The following CDH18 variants were observed in gnomAD, a reference collection of about 807,000 sequenced individuals.
CDH18 encodes cadherin-18.
CDH18 carries 31 observed loss-of-function variants against 67.9 expected under a neutral mutation model. The observed-to-expected ratio is 0.46, with a 90% CI of 0.34 to 0.62. CDH18 has a LOEUF of 0.62. Among genes scored for constraint, CDH18 ranks in the 20% least tolerant of loss-of-function variants. CDH18 has a pLI of 0.01. For synonymous variants in CDH18, 362 were observed against 347.2 expected (o/e 1.04, Z -0.48); for missense variants, 890 against 975.5 (o/e 0.91, Z 1.17).
At chr5:20,346,716 C>T (rs980442688) in intron 1 of CDH18, among the ~76,000 whole-genome samples, 2 of 152,022 alleles carry the variant, frequency 1.3e-5, no homozygotes, top group East Asian at 3.9e-4. Flanking sequence ...TAAGAACGTA[C>T]CAAACAGAAA....
chr5:20,280,275 T>C (rs1746147175), intron 1 of CDH18, among the ~76,000 whole-genome samples: 1 of 152,098 alleles, frequency 6.6e-6, no homozygotes, highest in African/African-American at 2.4e-5. Flanking sequence ...CTGTTACATA[T>C]GTACACATGT....
At chr5:19,645,469 G>A (rs62351294) in intron 5 of CDH18, among the ~76,000 whole-genome samples, 8,809 of 152,180 alleles carry the variant, frequency 0.058, 290 homozygotes, top group Non-Finnish European at 0.074. Flanking sequence ...GCTAAATAAC[G>A]GATAGTCTGT....
At chr5:19,860,091 T>A (rs956549716) in intron 2 of CDH18, among the ~76,000 whole-genome samples, 2 of 151,976 alleles carry the variant, frequency 1.3e-5, no homozygotes, top group African/African-American at 4.8e-5. Flanking sequence ...TAACTGGAAC[T>A]TTATAGCAAT....
chr5:20,034,819 T>G (rs1580087855), intron 2 of CDH18, among the ~76,000 whole-genome samples: 1 of 152,080 alleles, frequency 6.6e-6, no homozygotes, highest in South Asian at 2.1e-4. Flanking sequence ...GATAGATAGA[T>G]AGAGATAAAG....
intron 1 of CDH18, among the ~76,000 whole-genome samples, chr5:20,295,259 A>T (rs1051902499): frequency 2.0e-5 from 3 of 152,214 alleles, no homozygotes; most frequent in African/African-American, 7.2e-5. Context: ...CTAATACCAT[A>T]GACCTTCACA....
intron 2 of CDH18, among the ~76,000 whole-genome samples, chr5:20,022,035 A>T (rs1738472563): frequency 6.6e-6 from 1 of 152,228 alleles, no homozygotes; most frequent in Non-Finnish European, 1.5e-5. Context: ...CATTACATAA[A>T]GAGTGGTTTG....
At chr5:20,412,352 T>G (rs1198258622) in intron 1 of CDH18, among the ~76,000 whole-genome samples, 1 of 152,096 alleles carries the variant, frequency 6.6e-6, no homozygotes, top group East Asian at 1.9e-4. Flanking sequence ...TCTCCTAACA[T>G]AAACCAAAAT....
upstream of CDH18, among the ~76,000 whole-genome samples, chr5:19,992,462 A>C (rs1296838533): frequency 2.0e-5 from 3 of 151,914 alleles, no homozygotes; most frequent in Non-Finnish European, 4.4e-5. Context: ...AAAAAAAAAA[A>C]AACAACTGTG....
chr5:19,493,540 GTGT>G (rs1304981280), intron 11 of CDH18, among the ~76,000 whole-genome samples: 40 of 71,530 alleles, frequency 5.6e-4, no homozygotes, highest in Admixed American at 9.9e-4. Flanking sequence ...GAATTGGGGT[GTGT>G]GTGTGTGTGT....
chr5:20,056,384 T>A (rs201103915), intron 2 of CDH18, among the ~76,000 whole-genome samples: 1 of 146,356 alleles, frequency 6.8e-6, no homozygotes, highest in Non-Finnish European at 1.5e-5. Flanking sequence ...GGACAAGCTG[T>A]TTTTTTTGTT....
intron 1 of CDH18, among the ~76,000 whole-genome samples, chr5:20,542,410 T>C (rs2126593000): frequency 6.6e-6 from 1 of 151,660 alleles, no homozygotes; most frequent in African/African-American, 2.4e-5. Flanking sequence ...AGGGTTTCTA[T>C]TAGCATTATA....
At chr5:20,085,518 T>C (rs1341749062) in intron 2 of CDH18, among the ~76,000 whole-genome samples, 3 of 152,174 alleles carry the variant, frequency 2.0e-5, no homozygotes, top group Non-Finnish European at 4.4e-5. Context: ...TTTTCAGCAA[T>C]GCCCCGCTCT....
intron 1 of CDH18, among the ~76,000 whole-genome samples, chr5:20,462,513 A>G (rs1010800207): frequency 6.6e-6 from 1 of 152,240 alleles, no homozygotes; most frequent in Non-Finnish European, 1.5e-5. Context: ...TTCCCAACAT[A>G]TAGAAATGAT....
chr5:20,434,958 G>T (rs1466005538), intron 1 of CDH18, among the ~76,000 whole-genome samples: 1 of 151,978 alleles, frequency 6.6e-6, no homozygotes, highest in East Asian at 1.9e-4. Flanking sequence ...ACATTCAGAT[G>T]GATAGCCACT....
intron 2 of CDH18, among the ~76,000 whole-genome samples, chr5:20,185,508 C>A (rs1205484727): frequency 2.0e-5 from 3 of 152,064 alleles, no homozygotes; most frequent in African/African-American, 7.2e-5. Context: ...ACTCTTAGTT[C>A]TTTGACTTTA....
At chr5:20,238,079 C>A (rs1742612511) in intron 2 of CDH18, among the ~76,000 whole-genome samples, 1 of 151,736 alleles carries the variant, frequency 6.6e-6, no homozygotes, top group Non-Finnish European at 1.5e-5. Context: ...ACAAACAATT[C>A]TAGGAAAAAA....
chr5:19,771,843 GT>G (rs1461454181), intron 3 of CDH18, among the ~76,000 whole-genome samples: 3 of 152,110 alleles, frequency 2.0e-5, no homozygotes, highest in African/African-American at 7.2e-5. Flanking sequence ...AGGGGCAGGA[GT>G]GTACCAATTA....
chr5:20,501,423 TTATA>T (rs911443915), intron 1 of CDH18, among the ~76,000 whole-genome samples: 18 of 136,324 alleles, frequency 1.3e-4, no homozygotes, highest in African/African-American at 4.0e-4. Flanking sequence ...TATATACATA[TTATA>T]TATATATTTT....
At chr5:20,189,215 C>A (rs1738344126) in intron 2 of CDH18, among the ~76,000 whole-genome samples, 1 of 151,830 alleles carries the variant, frequency 6.6e-6, no homozygotes, top group Non-Finnish European at 1.5e-5. Flanking sequence ...TTAATGATAA[C>A]CCTCTTCCTC....
Sources: gnomAD v4.1 joint callset for allele counts (sites outside exome capture counted in the v4.1 genomes callset) on GRCh38, gnomAD v4.1.1 for gene constraint, MANE v1.5 for transcripts, NCBI Gene and HGNC (gene_info 2026-07-23, HGNC 2026-07-21) for gene names.